Variants in IRGM observed in about 807,000 individuals in gnomAD.
IRGM encodes immunity-related GTPase family M protein.
For synonymous variants in IRGM, 98 were observed against 80.6 expected, an observed-to-expected ratio of 1.22 and a Z score of -1.16; for missense variants, 288 against 219.9, an observed-to-expected ratio of 1.31 and a Z score of -1.96.
intron 3 of IRGM, among the ~76,000 whole-genome samples, chr5:150,888,620 C>T (rs976989854): frequency 1.3e-5 from 2 of 150,176 alleles, no homozygotes; most frequent in Non-Finnish European, 2.9e-5. Context: ...TCTCAGACCA[C>T]AGAATAATAA....
At chr5:150,895,203 A>G in intron 3 of IRGM, 1 of 453,770 alleles carries the variant, frequency 2.2e-6, no homozygotes, top group Non-Finnish European at 3.9e-6. Flanking sequence ...CACTGAGTTC[A>G]TAACTTTAAA....
intron 1 of IRGM, among the ~76,000 whole-genome samples, chr5:150,865,743 C>A (rs1046368618): frequency 5.9e-5 from 9 of 152,248 alleles, no homozygotes; most frequent in Admixed American, 5.9e-4. Flanking sequence ...GGAAAATATT[C>A]TTCATTATCA....
At chr5:150,882,971 A>G (rs562279600) in intron 3 of IRGM, among the ~76,000 whole-genome samples, 9 of 152,294 alleles carry the variant, frequency 5.9e-5, no homozygotes, top group Non-Finnish European at 1.0e-4. Context: ...GTGTTCACAA[A>G]ACAAGAAATA....
chr5:150,890,558 A>ATTGT (rs148630873), intron 3 of IRGM, among the ~76,000 whole-genome samples: 32,592 of 151,718 alleles, frequency 0.21, 5,733 homozygotes, highest in African/African-American at 0.47. Flanking sequence ...AAACTGATTC[A>ATTGT]TTGAGACTTT....
intron 3 of IRGM, among the ~76,000 whole-genome samples, chr5:150,884,311 A>G (rs1754486652): frequency 6.6e-6 from 1 of 152,032 alleles, no homozygotes; most frequent in Non-Finnish European, 1.5e-5. Flanking sequence ...TTCTTTATCC[A>G]ATCTGTCATT....
rs930561583 is a variant in IRGM at position 150,859,240 on chromosome 5, T to C, written c.158+10586T>C. ...ATGCTGGGTTACATTTATTGATTTG[T>C]GTATGTTGAACCAGCCTTGCATCCC... On this transcript the variant is annotated intron_variant and NMD_transcript_variant, in intron 1 of 3. Transcript: ENST00000520549. 9.7e-4 allele frequency among the ~76,000 whole-genome samples: 148 copies of C among 152,262 alleles called. 1 individual carries two copies. Among genetic ancestry groups the C allele is most frequent in the African/African-American group, 3.1e-3 (130 of 41,550 alleles).
chr5:150,895,257 AT>A, intron 3 of IRGM: 1 of 524,432 alleles, frequency 1.9e-6, no homozygotes, highest in Non-Finnish European at 3.3e-6. Flanking sequence ...TTATATAACT[AT>A]TTTCCATCAT....
chr5:150,881,188 C>T (rs1406098499), intron 3 of IRGM, among the ~76,000 whole-genome samples: 2 of 151,298 alleles, frequency 1.3e-5, no homozygotes, highest in East Asian at 3.9e-4. Context: ...CAAAGGTCTC[C>T]CCAGATTCAA....
intron 1 of IRGM, among the ~76,000 whole-genome samples, chr5:150,865,184 A>G (rs1754189860): frequency 6.6e-6 from 1 of 152,242 alleles, no homozygotes; most frequent in Non-Finnish European, 1.5e-5. Context: ...ATATATTAGA[A>G]TACAAACACA....
At chr5:150,867,029 AT>A (rs1282849226) in intron 1 of IRGM, among the ~76,000 whole-genome samples, 1 of 152,024 alleles carries the variant, frequency 6.6e-6, no homozygotes, top group East Asian at 1.9e-4. Context: ...TCTTTTTTAA[AT>A]TTCAGTAGGT....
chr5:150,871,754 A>G (rs182143024), intron 1 of IRGM, among the ~76,000 whole-genome samples: 50 of 152,356 alleles, frequency 3.3e-4, no homozygotes, highest in South Asian at 1.2e-3. Flanking sequence ...AGAAGAGTGT[A>G]GTGTAGACAC....
chr5:150,858,554 A>G (rs1019087252), intron 1 of IRGM, among the ~76,000 whole-genome samples: 6 of 152,228 alleles, frequency 3.9e-5, no homozygotes, highest in Non-Finnish European at 8.8e-5. Flanking sequence ...CTTCCTACCC[A>G]TAAGCATGGA....
At chr5:150,879,710 C>A (rs960941605) in intron 3 of IRGM, 2 of 152,172 alleles carry the variant, frequency 1.3e-5, no homozygotes, top group Admixed American at 1.3e-4. Context: ...GAAGCAACAG[C>A]TAAGATCACT....
downstream of IRGM, among the ~76,000 whole-genome samples, chr5:150,851,975 C>G (rs1471177854): frequency 6.6e-6 from 1 of 152,164 alleles, no homozygotes. Flanking sequence ...ATGATACATA[C>G]AGTAACATTA....
chr5:150,855,132 A>G lies in IRGM; in HGVS notation c.158+6478A>G, dbSNP rs145384965. Among the ~76,000 whole-genome samples, 144 of 152,236 alleles carry G rather than the reference A, an allele frequency of 9.5e-4. 1 individual carries two copies. The highest frequency in any genetic ancestry group is 3.3e-3 in the African/African-American group (138 of 41,546). On this transcript the variant is annotated intron_variant and NMD_transcript_variant, in intron 1 of 3. Transcript: ENST00000520549. The stretch of plus-strand genomic sequence containing the variant: ...TACTATGAACACAAGTAGGACCAAG[A>G]CTCATAGCCTGGCTGCTAGCCAGCA...
chr5:150,847,975 T>C lies in IRGM; in HGVS notation c.-149T>C. The stretch of plus-strand genomic sequence containing the variant: ...CACACCACCACGCGCAGCTAATTTT[T>C]TTGTATTTTAGTAGAGAAGGTTTCA... On this transcript the variant is annotated 5_prime_UTR_variant, in exon 2 of 2. Transcript: ENST00000522154. The C allele has an allele frequency of 1.6e-6, 1 of 638,272 alleles. No individual in the cohort carries two copies. The highest frequency in any genetic ancestry group is 2.0e-5 in the South Asian group (1 of 49,756). 39.5% of individuals were successfully genotyped at this position (638,272 alleles called of 1,614,324 possible).
At chr5:150,892,519 A>C (rs1295738447) in intron 3 of IRGM, among the ~76,000 whole-genome samples, 4 of 152,098 alleles carry the variant, frequency 2.6e-5, no homozygotes, top group African/African-American at 7.2e-5. Context: ...ACAAATAACA[A>C]CACTTTTATC....
chr5:150,867,829 T>G (rs1581645440), intron 1 of IRGM, among the ~76,000 whole-genome samples: 1 of 150,316 alleles, frequency 6.7e-6, no homozygotes, highest in South Asian at 2.1e-4. Context: ...TGGGATTATT[T>G]GTTTTTTTTT....
Position 150,873,567 on chromosome 5 carries a change from T to C in IRGM, c.159-4413T>C, listed in dbSNP as rs186033950. ...CTGATTTCAGGGACCTAAAACATCATTGTGGCCTTCCAGTAAAAGTAGAGG... is the reference window on the plus strand; with the variant it reads ...CTGATTTCAGGGACCTAAAACATCACTGTGGCCTTCCAGTAAAAGTAGAGG... On this transcript the variant is annotated intron_variant and NMD_transcript_variant, in intron 1 of 3. Transcript: ENST00000520549. Among the ~76,000 whole-genome samples, 144 of 152,300 alleles carry C rather than the reference T, an allele frequency of 9.5e-4. 1 individual carries two copies. The highest frequency in any genetic ancestry group is 3.3e-3 in the African/African-American group (138 of 41,546).
Sources: gnomAD v4.1 joint callset for allele counts (sites outside exome capture counted in the v4.1 genomes callset) on GRCh38, gnomAD v4.1.1 for gene constraint, MANE v1.5 for transcripts, NCBI Gene and HGNC (gene_info 2026-07-23, HGNC 2026-07-21) for gene names.